The following PGAP3 variants were observed in gnomAD, a reference collection of about 807,000 sequenced individuals.
The protein encoded by PGAP3 is GPI-specific phospholipase A2-like PGAP3.
A neutral mutation model predicts 40.3 loss-of-function variants in PGAP3; 31 were observed. The observed-to-expected ratio is 0.77, with a 90% CI of 0.58 to 1.04. The LOEUF (loss-of-function observed/expected upper bound fraction) is 1.04. Among genes scored for constraint, PGAP3 ranks in the 50% least tolerant of loss-of-function variants. The probability of loss-of-function intolerance (pLI) is 0.00; values close to 1 mark genes in which losing one functional copy is unlikely to be tolerated. For synonymous variants in PGAP3, 191 were observed against 184.5 expected, an observed-to-expected ratio of 1.04 and a Z score of -0.29; for missense variants, 413 against 423.0, an observed-to-expected ratio of 0.98 and a Z score of 0.21.
chr17:39,688,023 C>T lies in PGAP3; in HGVS notation c.-9G>A, dbSNP rs766556749. 1.0e-5 allele frequency: 14 copies of T among 1,387,592 alleles called. No homozygotes were observed. The highest frequency in any genetic ancestry group is 4.5e-5 in the African/African-American group (3 of 67,402). 86.0% of individuals were successfully genotyped at this position (1,387,592 alleles called of 1,614,324 possible). ...GCCGCCAGGCCGGCCATCCTTTCTCCCTGGCTCGCCGCCGGGGGAGGAGCT... is the reference window on the plus strand; with the variant it reads ...GCCGCCAGGCCGGCCATCCTTTCTCTCTGGCTCGCCGCCGGGGGAGGAGCT... On this transcript the variant is annotated 5_prime_UTR_variant, in exon 1 of 8. Transcript: ENST00000300658.
chr17:39,674,164 C>G, intron 4 of PGAP3, 110 bp from the exon 5 acceptor site: 1 of 1,071,834 alleles, frequency 9.3e-7, no homozygotes, highest in Non-Finnish European at 1.4e-6. Context: ...CTGGGCCTGC[C>G]TATCACTGTT....
rs770206672 is a variant in PGAP3 at position 39,672,760 on chromosome 17, G to C, written c.*43C>G. On this transcript the variant is annotated 3_prime_UTR_variant, in exon 8 of 8. Transcript: ENST00000300658. ...TGAGGGGAGAAGGGAGGCCAGCAGG[G>C]CGGGGGCAGGATCCCCACTGGGGCA... 19 of 1,581,152 alleles carry C rather than the reference G, an allele frequency of 1.2e-5. No individual in the cohort carries two copies. The highest frequency in any genetic ancestry group is 1.7e-4 in the Middle Eastern group (1 of 6,006).
At chr17:39,680,223 T>G (rs1567875770) in intron 3 of PGAP3, among the ~76,000 whole-genome samples, 1 of 152,236 alleles carries the variant, frequency 6.6e-6, no homozygotes. Flanking sequence ...CAGACAGCCC[T>G]GGACACCAAC....
At chr17:39,676,962 T>C (rs1271990004) in intron 3 of PGAP3, among the ~76,000 whole-genome samples, 1 of 152,170 alleles carries the variant, frequency 6.6e-6, no homozygotes, top group Non-Finnish European at 1.5e-5. Context: ...TTTAGGCAGA[T>C]AAGGGGTGGT....
intron 5 of PGAP3, 28 bp from the exon 6 acceptor site, chr17:39,673,678 G>C (rs761248276): frequency 1.2e-6 from 2 of 1,611,126 alleles, no homozygotes. Context: ...GTTGCTCAGA[G>C]GGCAGGTGGC....
chr17:39,686,851 G>A (rs990669322), intron 1 of PGAP3, among the ~76,000 whole-genome samples: 6 of 152,096 alleles, frequency 3.9e-5, no homozygotes, highest in African/African-American at 1.4e-4. Context: ...GGCATCTGAT[G>A]AACTCATCTA....
In PGAP3 at chr17:39,672,783, G is replaced by A. The variant is rs756155066; in HGVS notation, c.*20C>T. The stretch of plus-strand genomic sequence containing the variant: ...GGGCGGGGGCAGGATCCCCACTGGG[G>A]CAGACTCGCTCCAAGGTCTTCAGTC... On this transcript the variant is annotated 3_prime_UTR_variant, in exon 8 of 8. Transcript: ENST00000300658. The A allele has an allele frequency of 2.5e-6, 4 of 1,612,732 alleles. No homozygotes were observed. The East Asian group carries it at 6.7e-5, about 27-fold the overall frequency.
intron 5 of PGAP3, 140 bp downstream of exon 5, chr17:39,673,853 C>T: frequency 8.1e-7 from 1 of 1,239,258 alleles, no homozygotes; most frequent in African/African-American, 1.5e-5. Flanking sequence ...AGAGTCCTCA[C>T]CCAGGACAGC....
At chr17:39,686,118 T>C (rs2057510398) in intron 1 of PGAP3, 99 bp from the exon 2 acceptor site, 1 of 987,840 alleles carries the variant, frequency 1.0e-6, no homozygotes, top group Non-Finnish European at 1.5e-6. Context: ...AGAGGGCCTG[T>C]AAGTTGGAGA....
intron 7 of PGAP3, 79 bp downstream of exon 7, chr17:39,672,972 C>G: frequency 1.9e-6 from 3 of 1,573,904 alleles, no homozygotes; most frequent in South Asian, 1.1e-5. Flanking sequence ...GATGGGCACA[C>G]AGAGCCCCCA....
rs116888870 is a variant in PGAP3, at chr17:39,671,841, A to G, written c.*962T>C. ...GCGCCTTGGGCAGAGCTGGCGCTCC[A>G]CAAGTGATTATTGATGGTGACAGGA... On this transcript the variant is annotated 3_prime_UTR_variant, in exon 8 of 8. Transcript: ENST00000300658. The G allele has an allele frequency of 2.1e-3, 321 of 152,550 alleles. 3 individuals carry two copies. The East Asian group carries it at 0.022, about 10-fold the overall frequency. 9.4% of individuals were successfully genotyped at this position (152,550 alleles called of 1,614,324 possible).
chr17:39,679,225 G>A (rs1364640458), intron 3 of PGAP3, among the ~76,000 whole-genome samples: 2 of 152,142 alleles, frequency 1.3e-5, no homozygotes, highest in Admixed American at 6.5e-5. Context: ...GATTACAGAC[G>A]TGAGCCACCA....
intron 5 of PGAP3, 41 bp from the exon 6 acceptor site, chr17:39,673,691 A>G: frequency 6.2e-7 from 1 of 1,609,098 alleles, no homozygotes; most frequent in South Asian, 1.1e-5. Context: ...CAGGTGGCCC[A>G]TCCCCAGAGC....
intron 7 of PGAP3, 63 bp from the exon 8 acceptor site, chr17:39,672,929 G>A (rs1269337430): frequency 4.4e-6 from 7 of 1,593,390 alleles, no homozygotes; most frequent in Non-Finnish European, 6.0e-6. Context: ...GGAGACAAGG[G>A]TGGGGTGCAT....
At chr17:39,677,718 G>A (rs556339687) in intron 3 of PGAP3, among the ~76,000 whole-genome samples, 1 of 152,318 alleles carries the variant, frequency 6.6e-6, no homozygotes, top group South Asian at 2.1e-4. Flanking sequence ...GCCAGTGGGG[G>A]TGGAATAGGA....
chr17:39,677,265 A>G (rs1339831335), intron 3 of PGAP3, among the ~76,000 whole-genome samples: 1 of 152,078 alleles, frequency 6.6e-6, no homozygotes, highest in Non-Finnish European at 1.5e-5. Flanking sequence ...GGTGCCCATC[A>G]ATGTCAGTTT....
chr17:39,680,536 C>A (rs957883203), intron 3 of PGAP3, among the ~76,000 whole-genome samples: 2 of 152,178 alleles, frequency 1.3e-5, no homozygotes, highest in Non-Finnish European at 2.9e-5. Context: ...CTTCGCAGCA[C>A]GCCCCATCTA....
intron 1 of PGAP3, 107 bp from the exon 2 acceptor site, chr17:39,686,126 A>G: frequency 1.1e-6 from 1 of 918,328 alleles, no homozygotes; most frequent in Non-Finnish European, 1.7e-6. Context: ...TGTAAGTTGG[A>G]GAGAACCAGG....
At chr17:39,678,675 C>T (rs532894805) in intron 3 of PGAP3, among the ~76,000 whole-genome samples, 2 of 152,170 alleles carry the variant, frequency 1.3e-5, no homozygotes, top group Non-Finnish European at 2.9e-5. Flanking sequence ...CCTCAGTGCC[C>T]CAGAAGGCCC....
Sources: allele counts gnomAD v4.1 joint callset (sites outside exome capture counted in the v4.1 genomes callset), GRCh38; gene constraint gnomAD v4.1.1; transcripts MANE v1.5; gene names NCBI Gene and HGNC (gene_info 2026-07-23, HGNC 2026-07-21).